The following ARHGEF7 variants were observed in gnomAD, a reference collection of about 807,000 sequenced individuals.
The protein encoded by ARHGEF7 is Rho guanine nucleotide exchange factor 7, also known as PAK-interacting exchange factor beta.
ARHGEF7 carries 33 observed loss-of-function variants against 109.8 expected under a neutral mutation model. That is an observed-to-expected ratio of 0.30 (90% CI 0.23 to 0.40). The LOEUF is 0.40. Ranked by LOEUF, ARHGEF7 falls within the 10% of genes least tolerant of loss-of-function variation. The pLI, the probability that ARHGEF7 is intolerant of heterozygous loss-of-function variation, is 1.00. For synonymous variants in ARHGEF7, 458 were observed against 424.6 expected (o/e 1.08, Z -0.97); for missense variants, 938 against 1,098.5 (o/e 0.85, Z 2.07).
chr13:111,294,089 T>C, intron 19 of ARHGEF7: 3 of 985,384 alleles, frequency 3.0e-6, no homozygotes, highest in Non-Finnish European at 3.6e-6. Context: ...ATAAGAACAT[T>C]GAGGAGCAGT....
intron 2 of ARHGEF7, among the ~76,000 whole-genome samples, chr13:111,157,343 T>TG (rs2076416194): frequency 6.6e-6 from 1 of 152,096 alleles, no homozygotes; most frequent in African/African-American, 2.4e-5. Flanking sequence ...CAATTTCTAT[T>TG]TGTATCTCAA....
At chr13:111,245,419 A>G (rs1395053469) in intron 8 of ARHGEF7, among the ~76,000 whole-genome samples, 3 of 152,192 alleles carry the variant, frequency 2.0e-5, no homozygotes, top group Admixed American at 6.5e-5. Flanking sequence ...TGACACTTCA[A>G]GATGATGATT....
At chr13:111,291,986 A>T in intron 18 of ARHGEF7, 132 bp from the exon 19 acceptor site, 1 of 735,042 alleles carries the variant, frequency 1.4e-6, no homozygotes, top group Non-Finnish European at 2.2e-6. Context: ...GCCAATTTTT[A>T]ACACTATTTT....
At chr13:111,294,155 A>G (rs190586755) in intron 19 of ARHGEF7, 4 of 985,446 alleles carry the variant, frequency 4.1e-6, no homozygotes, top group Admixed American at 6.1e-5. Context: ...TCAGCCAGAT[A>G]GTAAATGGGA....
intron 2 of ARHGEF7, among the ~76,000 whole-genome samples, chr13:111,195,925 T>C (rs2080447299): frequency 6.6e-6 from 1 of 152,208 alleles, no homozygotes; most frequent in Non-Finnish European, 1.5e-5. Context: ...TCTTGGTCCC[T>C]ATTATAGAAC....
intron 2 of ARHGEF7, among the ~76,000 whole-genome samples, chr13:111,169,255 T>C (rs1246259404): frequency 3.3e-5 from 5 of 152,188 alleles, no homozygotes; most frequent in Non-Finnish European, 7.3e-5. Flanking sequence ...TGTTCTCACA[T>C]GGCTATAAAT....
intron 5 of ARHGEF7, among the ~76,000 whole-genome samples, chr13:111,221,500 T>TATATATATATAGAC (rs1555372674): frequency 1.2e-5 from 1 of 81,828 alleles, no homozygotes. Flanking sequence ...GACATATATA[T>TATATATATATAGAC]ATCTATATAT....
rs1433303766 is a variant in ARHGEF7, at chr13:111,224,746, A to C, written c.670+6866A>C. 2.6e-5 allele frequency among the ~76,000 whole-genome samples: 4 copies of C among 152,198 alleles called. No individual in the cohort carries two copies. The East Asian group carries it at 5.8e-4, about 22-fold the overall frequency. Reference sequence around the variant, plus strand: ...GTTATTAATTTAGCTGTGGAGGAACAGTGTTTGATGTGAGTATAATCTGTG... The same window carrying C: ...GTTATTAATTTAGCTGTGGAGGAACCGTGTTTGATGTGAGTATAATCTGTG... On this transcript the variant is annotated intron_variant, in intron 5 of 21. Transcript: ENST00000646102.
chr13:111,253,115 A>G (rs1157603238), intron 8 of ARHGEF7, among the ~76,000 whole-genome samples: 1 of 152,274 alleles, frequency 6.6e-6, no homozygotes, highest in East Asian at 1.9e-4. Flanking sequence ...GAAATAAGAT[A>G]GTGAGTGCTC....
At chr13:111,301,012 G>A (rs1266364832) in intron 20 of ARHGEF7, among the ~76,000 whole-genome samples, 165 bp downstream of exon 20, 1 of 151,810 alleles carries the variant, frequency 6.6e-6, no homozygotes, top group Non-Finnish European at 1.5e-5. Flanking sequence ...GCAATGGTGC[G>A]ATCTCAGCTC....
intron 2 of ARHGEF7, among the ~76,000 whole-genome samples, chr13:111,194,674 C>A (rs987045872): frequency 6.6e-6 from 1 of 152,204 alleles, no homozygotes; most frequent in African/African-American, 2.4e-5. Flanking sequence ...CAAAGTAAAT[C>A]ATCCACATGC....
chr13:111,295,095 T>C, intron 19 of ARHGEF7: 1 of 983,032 alleles, frequency 1.0e-6, no homozygotes, highest in South Asian at 4.7e-5. Flanking sequence ...TTGTACAGTA[T>C]GCATATTATT....
At chr13:111,248,224 CTT>C (rs1330393150) in intron 8 of ARHGEF7, among the ~76,000 whole-genome samples, 1 of 152,042 alleles carries the variant, frequency 6.6e-6, no homozygotes, top group Non-Finnish European at 1.5e-5. Context: ...GCTCCACTGT[CTT>C]TTGGCCTTCA....
At position 111,265,526 on chromosome 13, in the gene ARHGEF7, G is replaced by T. The variant is rs945800356; in HGVS notation, c.951-2022G>T. On this transcript the variant is annotated intron_variant, in intron 8 of 21. Transcript: ENST00000646102. Reference sequence around the variant, plus strand: ...AGCGGAAAGCAGTGCTCATGAAGGTGGAGGCACACCCAGAGACTGCATGGA... The same window carrying T: ...AGCGGAAAGCAGTGCTCATGAAGGTTGAGGCACACCCAGAGACTGCATGGA... 12 of 456,452 alleles carry T rather than the reference G, an allele frequency of 2.6e-5. No individual in the cohort carries two copies. The Admixed American group carries it at 2.8e-4, about 11-fold the overall frequency. The allele number at this position is 456,452 out of a possible 1,614,324, so 28.3% of individuals were successfully genotyped here. A position where few individuals can be genotyped will look rare whatever the true frequency, so the allele number is the denominator to read the frequency against.
intron 8 of ARHGEF7, among the ~76,000 whole-genome samples, chr13:111,259,712 C>T (rs1473916117): frequency 1.3e-5 from 2 of 152,154 alleles, no homozygotes; most frequent in Admixed American, 6.5e-5. Context: ...ACGCCCAGTG[C>T]CCAGACACTG....
In ARHGEF7 at chr13:111,291,629, T is replaced by A. The variant is rs974696690; in HGVS notation, c.2135-489T>A. Among the ~76,000 whole-genome samples, 17 of 152,396 alleles carry A rather than the reference T, an allele frequency of 1.1e-4. No homozygotes were observed. The South Asian group carries it at 2.3e-3, about 20-fold the overall frequency. ...AAGCCCGTCAGAATTCCTTTGAAATTATTTTGCATTTGATACATCTGTTTA... is the reference window on the plus strand; with the variant it reads ...AAGCCCGTCAGAATTCCTTTGAAATAATTTTGCATTTGATACATCTGTTTA... On this transcript the variant is annotated intron_variant, in intron 18 of 21. Coordinates refer to ENST00000646102, the MANE Select transcript of ARHGEF7 (RefSeq NM_001354046.2).
intron 6 of ARHGEF7, chr13:111,241,300 C>A (rs1329219902): frequency 6.5e-7 from 1 of 1,536,126 alleles, no homozygotes; most frequent in Admixed American, 2.0e-5. Flanking sequence ...CCTGCAGCAG[C>A]CAGAGCGTGC....
chr13:111,282,924 G>C, intron 15 of ARHGEF7: 1 of 690,514 alleles, frequency 1.4e-6, no homozygotes, highest in East Asian at 2.8e-5. Context: ...GGCAGACGCC[G>C]TGAGGAGCCC....
In ARHGEF7 at chr13:111,228,467, C is replaced by T. The variant is rs1002252262; in HGVS notation, c.671-4738C>T. ...ATGGTGCTTCCAGCAGAGAACACGG[C>T]GGGAGCGGATGAGGCAGGCTCGATG... On this transcript the variant is annotated intron_variant, in intron 5 of 21. Transcript: ENST00000646102. The surrounding 1 kb of genome is among the most constrained non-coding windows in gnomAD (Gnocchi z 4.6). Among the ~76,000 whole-genome samples, 8 of 152,108 alleles carry T rather than the reference C, an allele frequency of 5.3e-5. No individual in the cohort carries two copies. Among genetic ancestry groups the T allele is most frequent in the Non-Finnish European group, 8.8e-5 (6 of 68,018 alleles).
Sources: allele counts gnomAD v4.1 joint callset (sites outside exome capture counted in the v4.1 genomes callset), GRCh38; gene constraint gnomAD v4.1.1; non-coding constraint Gnocchi (gnomAD v3.1); transcripts MANE v1.5; gene names NCBI Gene and HGNC (gene_info 2026-07-23, HGNC 2026-07-21).